PDSS2: variants seen among roughly 807,000 people sequenced by gnomAD.
The protein encoded by PDSS2 is all trans-polyprenyl-diphosphate synthase PDSS2.
A neutral mutation model predicts 44.5 loss-of-function variants in PDSS2; 31 were observed. That is an observed-to-expected ratio of 0.70 (90% confidence interval 0.52 to 0.94). PDSS2 has a LOEUF of 0.94. PDSS2 is among the 40% of genes least tolerant of loss of function. The pLI is 0.00. For synonymous variants in PDSS2, 157 were observed against 180.3 expected, an observed-to-expected ratio of 0.87 and a Z score of 1.03; for missense variants, 452 against 482.2, an observed-to-expected ratio of 0.94 and a Z score of 0.59.
chr6:107,241,245 TAAA>T (rs35226308), intron 4 of PDSS2, among the ~76,000 whole-genome samples: 9 of 98,082 alleles, frequency 9.2e-5, no homozygotes, highest in East Asian at 5.7e-4. Context: ...CGAGACTCGG[TAAA>T]AAAAAAAAAA....
chr6:107,391,085 A>G (rs1779765175), intron 1 of PDSS2, among the ~76,000 whole-genome samples: 1 of 148,994 alleles, frequency 6.7e-6, no homozygotes, highest in Non-Finnish European at 1.5e-5. Context: ...TTGTGATTAA[A>G]AGACTTTTTA....
rs527747563 is a variant in PDSS2, at chr6:107,165,319, T to C, written c.1042-10542A>G. Reference sequence around the variant, plus strand: ...TTAGGTCTAACATTTAAATCTTTAATCCATCTTGAATTAATTTTTGTATAA... The same window carrying C: ...TTAGGTCTAACATTTAAATCTTTAACCCATCTTGAATTAATTTTTGTATAA... On this transcript the variant is annotated intron_variant, in intron 7 of 7. Transcript: ENST00000369037. 2.6e-5 allele frequency among the ~76,000 whole-genome samples: 4 copies of C among 152,256 alleles called. No homozygotes were observed. The East Asian group carries it at 5.8e-4, about 22-fold the overall frequency.
chr6:107,340,091 A>G (rs955543825), intron 1 of PDSS2, among the ~76,000 whole-genome samples: 5 of 152,156 alleles, frequency 3.3e-5, no homozygotes, highest in African/African-American at 1.2e-4. Context: ...GAGATGTACC[A>G]AACCTAAAAT....
intron 4 of PDSS2, among the ~76,000 whole-genome samples, chr6:107,234,336 G>A (rs1390903199): frequency 2.6e-5 from 4 of 151,986 alleles, no homozygotes; most frequent in African/African-American, 9.7e-5. Flanking sequence ...CTCCCGGGTA[G>A]CTGGGACTAT....
chr6:107,196,982 G>A lies in PDSS2; in HGVS notation c.1009-3128C>T, dbSNP rs534448484. ...TATGGTGGTACACTGGAGAGGAAAT[G>A]GAAAACTCCACGCCCCTTCCCACTT... On this transcript the variant is annotated intron_variant, in intron 6 of 7. Coordinates refer to ENST00000369037, the MANE Select transcript of PDSS2 (RefSeq NM_020381.4). Among the ~76,000 whole-genome samples, 39 of 152,264 alleles carry A rather than the reference G, an allele frequency of 2.6e-4. 1 individual carries two copies. In the South Asian group the frequency reaches 7.5e-3, roughly 29 times the overall value.
At chr6:107,425,541 T>C (rs1264217787) in intron 1 of PDSS2, among the ~76,000 whole-genome samples, 1 of 152,166 alleles carries the variant, frequency 6.6e-6, no homozygotes, top group African/African-American at 2.4e-5. Flanking sequence ...AGAGATGATT[T>C]AGGGTATCTT....
rs147272825 is a variant in PDSS2, at chr6:107,234,053, T to C, written c.702+11495A>G. On this transcript the variant is annotated intron_variant, in intron 4 of 7. Transcript: ENST00000369037. Reference sequence around the variant, plus strand: ...ATCTGTATCATTAGTAATTATATAATGAAAAACTCAGAACATAATATATTT... The same window carrying C: ...ATCTGTATCATTAGTAATTATATAACGAAAAACTCAGAACATAATATATTT... Among the ~76,000 whole-genome samples, 418 of 152,250 alleles carry C rather than the reference T, an allele frequency of 2.7e-3. 4 individuals carry two copies. Among genetic ancestry groups the C allele is most frequent in the African/African-American group, 9.0e-3 (373 of 41,562 alleles).
chr6:107,374,970 T>G (rs974586441), intron 1 of PDSS2, among the ~76,000 whole-genome samples: 2 of 152,102 alleles, frequency 1.3e-5, no homozygotes, highest in East Asian at 3.8e-4. Context: ...CCCCAAATAT[T>G]TGAAAATTAA....
At chr6:107,156,300 T>C (rs1562338337) in intron 7 of PDSS2, among the ~76,000 whole-genome samples, 4 of 149,190 alleles carry the variant, frequency 2.7e-5, no homozygotes, top group Non-Finnish European at 4.5e-5. Context: ...GTTCACACCA[T>C]TCTCCTGCCT....
At chr6:107,283,953 G>A (rs1268050157) in intron 2 of PDSS2, among the ~76,000 whole-genome samples, 2 of 151,752 alleles carry the variant, frequency 1.3e-5, no homozygotes, top group Admixed American at 1.3e-4. Context: ...TTCAATCCAG[G>A]AGGTGGAGGT....
intron 7 of PDSS2, among the ~76,000 whole-genome samples, chr6:107,177,288 G>A (rs1771828542): frequency 6.6e-6 from 1 of 151,950 alleles, no homozygotes; most frequent in Non-Finnish European, 1.5e-5. Context: ...GTGCCACTGT[G>A]CCTGGCTAAT....
At chr6:107,212,493 A>G (rs1186158860) in intron 4 of PDSS2, among the ~76,000 whole-genome samples, 1 of 152,234 alleles carries the variant, frequency 6.6e-6, no homozygotes, top group Non-Finnish European at 1.5e-5. Context: ...GGAAAGTTAA[A>G]GAAATGTTAA....
intron 1 of PDSS2, among the ~76,000 whole-genome samples, chr6:107,399,961 AC>A (rs1310944950): frequency 1.3e-5 from 2 of 152,178 alleles, no homozygotes; most frequent in East Asian, 3.9e-4. Flanking sequence ...CAGGAGCTTA[AC>A]ACAAAAGTGA....
chr6:107,352,159 A>G (rs530580705), intron 1 of PDSS2, among the ~76,000 whole-genome samples: 2 of 152,342 alleles, frequency 1.3e-5, no homozygotes, highest in African/African-American at 4.8e-5. Context: ...CTGTTAAGTT[A>G]GTATTGCTAT....
chr6:107,445,351 C>T (rs1705522111), intron 1 of PDSS2, among the ~76,000 whole-genome samples: 1 of 152,038 alleles, frequency 6.6e-6, no homozygotes, highest in South Asian at 2.1e-4. Flanking sequence ...CTGGGCCATC[C>T]AGCTTGGACA....
chr6:107,217,719 T>C (rs1202672132), intron 4 of PDSS2, among the ~76,000 whole-genome samples: 3 of 152,134 alleles, frequency 2.0e-5, no homozygotes, highest in Non-Finnish European at 4.4e-5. Flanking sequence ...CAGGAATTAA[T>C]CCTACAGATA....
chr6:107,255,312 C>T (rs190226201), intron 3 of PDSS2, among the ~76,000 whole-genome samples: 132 of 151,102 alleles, frequency 8.7e-4, no homozygotes, highest in African/African-American at 3.1e-3. Context: ...CCTGCCTCAG[C>T]CTCCCAAGTA....
rs1017348817 is a variant in PDSS2, at chr6:107,458,613, C to T, written c.296+377G>A. On this transcript the variant is annotated intron_variant, in intron 1 of 7. Transcript: ENST00000369037. The stretch of plus-strand genomic sequence containing the variant: ...TTGCCTACTTTCTGGAGGTGACCCC[C>T]TGAACAGTGCGGGACAGAAAATTAA... Among the ~76,000 whole-genome samples, 16 of 151,678 alleles carry T rather than the reference C, an allele frequency of 1.1e-4. No homozygotes were observed. The East Asian group carries it at 2.9e-3, about 28-fold the overall frequency.
At chr6:107,337,669 AT>A (rs1047173702) in intron 1 of PDSS2, among the ~76,000 whole-genome samples, 2 of 151,956 alleles carry the variant, frequency 1.3e-5, no homozygotes, top group African/African-American at 4.8e-5. Flanking sequence ...TTGTGATCTT[AT>A]TTTTTTCTCA....
Sources: allele counts gnomAD v4.1 joint callset (sites outside exome capture counted in the v4.1 genomes callset), GRCh38; gene constraint gnomAD v4.1.1; transcripts MANE v1.5; gene names NCBI Gene and HGNC (gene_info 2026-07-23, HGNC 2026-07-21).